SRPK2: variants seen among roughly 807,000 people sequenced by gnomAD.
The protein encoded by SRPK2 is SFRS protein kinase 2.
A neutral mutation model predicts 90.8 loss-of-function variants in SRPK2; 21 were observed. The observed-to-expected ratio is 0.23, with a 90% confidence interval of 0.16 to 0.33. SRPK2 has a LOEUF of 0.33. Ranked by LOEUF, SRPK2 falls within the 10% of genes least tolerant of loss-of-function variation. The pLI is 1.00. For synonymous variants in SRPK2, 288 were observed against 311.1 expected (o/e 0.93, Z 0.78); for missense variants, 620 against 869.0 (o/e 0.71, Z 3.60).
chr7:105,386,195 T>G (rs759339203), intron 2 of SRPK2, among the ~76,000 whole-genome samples: 5 of 151,448 alleles, frequency 3.3e-5, no homozygotes, highest in Non-Finnish European at 7.4e-5. Context: ...GCGCCTGTAG[T>G]CCCAGCTACT....
chr7:105,135,205 T>C (rs1208318131), intron 11 of SRPK2, among the ~76,000 whole-genome samples: 4 of 152,150 alleles, frequency 2.6e-5, no homozygotes, highest in Non-Finnish European at 5.9e-5. Context: ...TAAGTTTCAA[T>C]ATCTACAAGT....
intron 2 of SRPK2, chr7:105,297,627 G>C: frequency 3.0e-6 from 1 of 330,128 alleles, no homozygotes; most frequent in Non-Finnish European, 4.3e-6. Flanking sequence ...ATCACAATCT[G>C]GCAAGTTCTC....
At chr7:105,216,050 G>C (rs1467451326) in intron 2 of SRPK2, among the ~76,000 whole-genome samples, 2 of 143,630 alleles carry the variant, frequency 1.4e-5, no homozygotes, top group Non-Finnish European at 3.0e-5. Flanking sequence ...CTGGGCAATA[G>C]AGCATGACCC....
At chr7:105,231,138 T>C (rs1041427585) in intron 2 of SRPK2, among the ~76,000 whole-genome samples, 2 of 152,196 alleles carry the variant, frequency 1.3e-5, no homozygotes, top group African/African-American at 2.4e-5. Context: ...GCTGATTTGA[T>C]GAGTTCTTAT....
At chr7:105,160,979 G>A (rs529237032) in intron 6 of SRPK2, among the ~76,000 whole-genome samples, 20 of 151,994 alleles carry the variant, frequency 1.3e-4, no homozygotes, top group Admixed American at 9.2e-4. Flanking sequence ...GCCCAGGAGT[G>A]CAGTGGTGTG....
chr7:105,268,708 C>A, intron 2 of SRPK2: 2 of 1,374,606 alleles, frequency 1.5e-6, no homozygotes, highest in Non-Finnish European at 2.0e-6. Flanking sequence ...CAGGACAATA[C>A]GTTATATAGC....
intron 2 of SRPK2, among the ~76,000 whole-genome samples, chr7:105,325,945 C>A (rs1239421512): frequency 6.6e-6 from 1 of 152,198 alleles, no homozygotes; most frequent in Non-Finnish European, 1.5e-5. Flanking sequence ...CCTGCCCAGG[C>A]GGAAAAACAA....
chr7:105,388,338 G>A (rs1392871840), intron 2 of SRPK2, among the ~76,000 whole-genome samples: 3 of 151,136 alleles, frequency 2.0e-5, no homozygotes, highest in Admixed American at 2.0e-4. Context: ...CGCGGGCAAG[G>A]GACGGGTGCG....
At chr7:105,238,938 A>G (rs1284539328) in intron 2 of SRPK2, among the ~76,000 whole-genome samples, 1 of 152,216 alleles carries the variant, frequency 6.6e-6, no homozygotes, top group Non-Finnish European at 1.5e-5. Context: ...GCACGAAGGC[A>G]GTAAGCAAAC....
chr7:105,278,799 GGA>G (rs1304878804), intron 2 of SRPK2, among the ~76,000 whole-genome samples: 2 of 151,916 alleles, frequency 1.3e-5, no homozygotes, highest in Non-Finnish European at 2.9e-5. Context: ...GCGAAGGAAA[GGA>G]GAGAGAGAAA....
chr7:105,229,246 G>A (rs1002198446), intron 2 of SRPK2, among the ~76,000 whole-genome samples: 5 of 152,134 alleles, frequency 3.3e-5, no homozygotes, highest in African/African-American at 1.2e-4. Flanking sequence ...GGCAGATCAC[G>A]AGGTCAGGAG....
Position 105,302,214 on chromosome 7 carries a change from A to G in SRPK2, c.71+86434T>C, listed in dbSNP as rs540317955. On this transcript the variant is annotated intron_variant, in intron 2 of 15. Transcript: ENST00000393651. ...TAATTTTTGTATGTTTCTTACATTA[A>G]AAAGGTTGTAAGTTGAAAGTTCATG... 1.7e-3 allele frequency: 1,288 copies of G among 741,942 alleles called. 1 individual carries two copies. The highest frequency in any genetic ancestry group is 2.7e-3 in the Non-Finnish European group (1,152 of 419,410). 46.0% of individuals were successfully genotyped at this position (741,942 alleles called of 1,614,324 possible). A position where few individuals can be genotyped will look rare whatever the true frequency, so the allele number is the denominator to read the frequency against.
intron 11 of SRPK2, among the ~76,000 whole-genome samples, chr7:105,134,785 C>G (rs1446847212): frequency 6.6e-6 from 1 of 152,226 alleles, no homozygotes; most frequent in Non-Finnish European, 1.5e-5. Flanking sequence ...CAAGAGAATT[C>G]TGACCAGTAT....
chr7:105,120,358 A>C (rs1197482213), intron 15 of SRPK2, among the ~76,000 whole-genome samples: 1 of 152,230 alleles, frequency 6.6e-6, no homozygotes, highest in Non-Finnish European at 1.5e-5. Flanking sequence ...TTTTAAGTAC[A>C]ATCTTCCATG....
At chr7:105,324,097 A>C (rs1193136399) in intron 2 of SRPK2, among the ~76,000 whole-genome samples, 3 of 150,730 alleles carry the variant, frequency 2.0e-5, no homozygotes, top group African/African-American at 7.3e-5. Context: ...CCCGGGTTCA[A>C]GCGATTCTCC....
chr7:105,122,420 G>A (rs1030986825), intron 15 of SRPK2, among the ~76,000 whole-genome samples: 2 of 152,124 alleles, frequency 1.3e-5, no homozygotes, highest in African/African-American at 2.4e-5. Flanking sequence ...CCAAAAAGTG[G>A]GGGAAAACCA....
intron 2 of SRPK2, among the ~76,000 whole-genome samples, chr7:105,346,569 T>C (rs963965270): frequency 6.6e-6 from 1 of 151,832 alleles, no homozygotes; most frequent in African/African-American, 2.4e-5. Flanking sequence ...GCCTGGCCAA[T>C]ATGGTGAAAC....
intron 3 of SRPK2, among the ~76,000 whole-genome samples, chr7:105,202,861 GTTTTC>G (rs1344245779): frequency 6.6e-6 from 1 of 152,194 alleles, no homozygotes; most frequent in Admixed American, 6.5e-5. Context: ...GAAAGGAATG[GTTTTC>G]TTTTAGCCTT....
intron 2 of SRPK2, among the ~76,000 whole-genome samples, chr7:105,209,995 C>T (rs893750454): frequency 4.6e-5 from 7 of 152,266 alleles, no homozygotes; most frequent in African/African-American, 1.7e-4. Context: ...CTATATTCTG[C>T]ATGTACACTT....
Sources: allele counts gnomAD v4.1 joint callset (sites outside exome capture counted in the v4.1 genomes callset), GRCh38; gene constraint gnomAD v4.1.1; transcripts MANE v1.5; gene names NCBI Gene and HGNC (gene_info 2026-07-23, HGNC 2026-07-21).